The following CABLES1 variants were observed in gnomAD, a reference collection of about 807,000 sequenced individuals.
CABLES1 encodes the protein CDK5 and ABL1 enzyme substrate 1.
A neutral mutation model predicts 57.8 loss-of-function variants in CABLES1; 36 were observed. The ratio of observed to expected loss-of-function variants is 0.62; its 90% confidence interval spans 0.48 to 0.82. The LOEUF is 0.82. Ranked by LOEUF, CABLES1 falls within the 40% of genes least tolerant of loss-of-function variation. CABLES1 has a pLI of 0.00. For synonymous variants in CABLES1, 374 were observed against 363.0 expected (o/e 1.03, Z -0.35); for missense variants, 767 against 836.6 (o/e 0.92, Z 1.03).
intron 4 of CABLES1, 178 bp downstream of exon 4, chr18:23,214,232 C>A (rs1234714464): frequency 1.9e-5 from 11 of 566,152 alleles, no homozygotes; most frequent in Non-Finnish European, 3.4e-5. Context: ...CAGAAAGCTT[C>A]CTCGTTGTGT....
At chr18:23,142,634 AACAAAC>A (rs2046864723) in intron 1 of CABLES1, among the ~76,000 whole-genome samples, 1 of 152,214 alleles carries the variant, frequency 6.6e-6, no homozygotes, top group Non-Finnish European at 1.5e-5. Context: ...TTATTCATTC[AACAAAC>A]ATTGAACACA....
At chr18:23,214,657 GTTCC>G (rs2047429131) in intron 4 of CABLES1, 1 of 152,456 alleles carries the variant, frequency 6.6e-6, no homozygotes, top group South Asian at 2.1e-4. Context: ...TGAACACCGT[GTTCC>G]TTCCTCCTTG....
intron 3 of CABLES1, among the ~76,000 whole-genome samples, chr18:23,200,292 C>G (rs2047314330): frequency 6.6e-6 from 1 of 151,934 alleles, no homozygotes; most frequent in Non-Finnish European, 1.5e-5. Context: ...TGGAGTCTCA[C>G]TCTGTCTCCC....
intron 3 of CABLES1, among the ~76,000 whole-genome samples, chr18:23,203,960 C>T (rs1170561648): frequency 2.6e-5 from 4 of 152,108 alleles, no homozygotes; most frequent in East Asian, 1.9e-4. Context: ...TTGTCATCAT[C>T]GGTGTTTATG....
At chr18:23,143,705 A>G (rs113510875) in intron 1 of CABLES1, among the ~76,000 whole-genome samples, 106 of 152,176 alleles carry the variant, frequency 7.0e-4, no homozygotes, top group Middle Eastern at 6.8e-3. Context: ...CTCTGTGCCC[A>G]GGAAGTGTGC....
In CABLES1 at chr18:23,253,880, T is replaced by C. The variant is rs1185923411; in HGVS notation, c.1705T>C (p.Leu569=). Residue 569 remains leucine, a synonymous_variant, in exon 9 of 10, where the codon TTA becomes CTA. Transcript: ENST00000256925. ...RKLCAGACVL[L]AAKIGSDLKK... The stretch of plus-strand genomic sequence containing the variant: ...GCTGTGTGCTGGGGCATGTGTGCTG[T>C]TAGCAGCCAAAATTGGAAGTGACCT... 4 of 1,614,102 alleles carry C rather than the reference T, an allele frequency of 2.5e-6. No individual in the cohort carries two copies. Among genetic ancestry groups the C allele is most frequent in the African/African-American group, 1.3e-5 (1 of 74,938 alleles).
chr18:23,214,015 T>C lies in CABLES1; in HGVS notation c.1049T>C (p.Ile350Thr). The change falls in exon 4 of 10, where the codon ATA (isoleucine) becomes ACA (threonine). Residue 350 changes from isoleucine (I) to threonine (T), a missense_variant. By Grantham distance (89) the Ile-to-Thr change is moderately conservative. Transcript: ENST00000256925. ...LISGRRSFCS[I>T]FSVLPYRDST... is the part of the protein sequence containing the mutation. ...AGTGGCAGAAGATCCTTCTGTAGTATATTTTCAGTGCTGCCGTATCGCGAC... is the reference window on the plus strand; with the variant it reads ...AGTGGCAGAAGATCCTTCTGTAGTACATTTTCAGTGCTGCCGTATCGCGAC... 5 of 1,613,404 alleles carry C rather than the reference T, an allele frequency of 3.1e-6. No individual in the cohort carries two copies. Among genetic ancestry groups the C allele is most frequent in the Non-Finnish European group, 4.2e-6 (5 of 1,179,602 alleles).
chr18:23,210,208 C>T (rs1330329356), intron 3 of CABLES1, among the ~76,000 whole-genome samples: 1 of 152,134 alleles, frequency 6.6e-6, no homozygotes, highest in Admixed American at 6.5e-5. Flanking sequence ...CCTTTAATTC[C>T]TTAAAGATCC....
chr18:23,148,590 T>TG, intron 1 of CABLES1, among the ~76,000 whole-genome samples: 1 of 152,322 alleles, frequency 6.6e-6, no homozygotes, highest in Admixed American at 6.5e-5. Context: ...TGGGGCCCAG[T>TG]GCCCATTCCA....
At chr18:23,237,297 CTGGGTTGGTGG>C in intron 7 of CABLES1, 52 bp downstream of exon 7, 1 of 1,295,282 alleles carries the variant, frequency 7.7e-7, no homozygotes, top group Non-Finnish European at 1.1e-6. Flanking sequence ...GTTGCCCCAC[CTGGGTTGGTGG>C]CCGGCTGGGG....
chr18:23,219,043 C>T, intron 4 of CABLES1: 1 of 378,026 alleles, frequency 2.6e-6, no homozygotes, highest in East Asian at 7.3e-5. Flanking sequence ...ATTTCTTTAT[C>T]CCCACCCCCC....
intron 7 of CABLES1, among the ~76,000 whole-genome samples, chr18:23,249,982 T>G (rs2047998509): frequency 6.6e-6 from 1 of 152,090 alleles, no homozygotes; most frequent in Non-Finnish European, 1.5e-5. Context: ...TTCACTTTTC[T>G]GAGCCTCTGT....
At chr18:23,237,284 T>A (rs781586497) in intron 7 of CABLES1, 39 bp downstream of exon 7, 1 of 1,387,902 alleles carries the variant, frequency 7.2e-7, no homozygotes, top group Non-Finnish European at 1.0e-6. Context: ...TGCTGCACCG[T>A]CAGTTGCCCC....
intron 1 of CABLES1, among the ~76,000 whole-genome samples, chr18:23,156,489 G>A (rs2046967087): frequency 6.6e-6 from 1 of 152,204 alleles, no homozygotes; most frequent in African/African-American, 2.4e-5. Context: ...TACTCGGAGG[G>A]AGTGAATTTT....
intron 1 of CABLES1, among the ~76,000 whole-genome samples, chr18:23,182,976 C>T (rs1314744602): frequency 6.6e-6 from 1 of 152,216 alleles, no homozygotes. Context: ...GTACCTGGAC[C>T]ACACACAGCT....
At chr18:23,230,917 T>G (rs2047563013) in intron 4 of CABLES1, among the ~76,000 whole-genome samples, 1 of 152,202 alleles carries the variant, frequency 6.6e-6, no homozygotes. Flanking sequence ...CAAAAAGATC[T>G]GCTGCTCTGT....
chr18:23,187,681 C>T (rs1241939308), intron 1 of CABLES1, among the ~76,000 whole-genome samples: 2 of 152,130 alleles, frequency 1.3e-5, no homozygotes, highest in African/African-American at 4.8e-5. Flanking sequence ...GCCACCGTGC[C>T]TGGCCACAAG....
chr18:23,166,990 A>G (rs1056282116), intron 1 of CABLES1, among the ~76,000 whole-genome samples: 1 of 152,134 alleles, frequency 6.6e-6, no homozygotes, highest in Non-Finnish European at 1.5e-5. Flanking sequence ...TTATAGCAAA[A>G]CAAGCAAGGA....
intron 3 of CABLES1, among the ~76,000 whole-genome samples, chr18:23,195,637 AT>A (rs1404027686): frequency 6.6e-6 from 1 of 152,254 alleles, no homozygotes; most frequent in African/African-American, 2.4e-5. Context: ...TGGTTTCAGA[AT>A]AGCAAAATTG....
Sources: allele counts gnomAD v4.1 joint callset (sites outside exome capture counted in the v4.1 genomes callset), GRCh38; gene constraint gnomAD v4.1.1; transcripts MANE v1.5; gene names NCBI Gene and HGNC (gene_info 2026-07-23, HGNC 2026-07-21).